The following SLC14A2 variants were observed in gnomAD, a reference collection of about 807,000 sequenced individuals.
SLC14A2 encodes the protein solute carrier family 14 member 2.
SLC14A2 carries 91 observed loss-of-function variants against 104.6 expected under a neutral mutation model. That is an observed-to-expected ratio of 0.87 (90% CI 0.73 to 1.04). The LOEUF (loss-of-function observed/expected upper bound fraction) is 1.04, where lower values mean the gene tolerates loss of function less well. SLC14A2 is among the 50% of genes least tolerant of loss of function. The pLI is 0.00. For synonymous variants in SLC14A2, 476 were observed against 466.4 expected (o/e 1.02, Z -0.27); for missense variants, 1,189 against 1,156.0 (o/e 1.03, Z -0.41).
chr18:45,410,147 CAGG>C (rs2086198706), intron 1 of SLC14A2, among the ~76,000 whole-genome samples: 4 of 152,272 alleles, frequency 2.6e-5, no homozygotes, highest in African/African-American at 9.6e-5. Context: ...GCTGATCTGA[CAGG>C]AGGCGGAGCT....
chr18:45,267,033 T>C (rs1313614124), intron 1 of SLC14A2, among the ~76,000 whole-genome samples: 2 of 152,180 alleles, frequency 1.3e-5, no homozygotes, highest in East Asian at 1.9e-4. Flanking sequence ...TTATGGGCAC[T>C]GGGAGGTTCT....
chr18:45,574,687 T>A (rs927735460), intron 2 of SLC14A2, among the ~76,000 whole-genome samples: 7 of 152,244 alleles, frequency 4.6e-5, no homozygotes, highest in African/African-American at 1.7e-4. Context: ...AAATGTCAAA[T>A]ACGTTTCTTC....
chr18:45,583,459 T>G (rs989831257), intron 2 of SLC14A2, among the ~76,000 whole-genome samples: 1 of 152,240 alleles, frequency 6.6e-6, no homozygotes, highest in Admixed American at 6.5e-5. Flanking sequence ...GGATCATTAC[T>G]CTCACTAGCT....
intron 18 of SLC14A2, among the ~76,000 whole-genome samples, chr18:45,678,294 T>C (rs556511606): frequency 7.9e-5 from 12 of 152,336 alleles, no homozygotes; most frequent in African/African-American, 2.4e-4. Context: ...GTAGGAATGC[T>C]GAAAGCTATG....
intron 2 of SLC14A2, among the ~76,000 whole-genome samples, chr18:45,531,933 C>T (rs1462866305): frequency 6.6e-6 from 1 of 152,146 alleles, no homozygotes; most frequent in African/African-American, 2.4e-5. Flanking sequence ...AGCCAGTTTT[C>T]CCAGCACCAT....
chr18:45,580,397 G>C (rs2044473180), intron 2 of SLC14A2, among the ~76,000 whole-genome samples: 1 of 152,216 alleles, frequency 6.6e-6, no homozygotes, highest in African/African-American at 2.4e-5. Context: ...GCTGAGGCAA[G>C]AAAGGTTAGG....
In SLC14A2 at chr18:45,338,774, C is replaced by T. The variant is rs146724371; in HGVS notation, c.-125+125583C>T. On this transcript the variant is annotated intron_variant, in intron 1 of 20. Transcript: ENST00000586448. ...TGTCAGCAACATGGGTCCTGTCCCTCTGTCCTCGTGTGAAAACGTGCACTG... is the reference window on the plus strand; with the variant it reads ...TGTCAGCAACATGGGTCCTGTCCCTTTGTCCTCGTGTGAAAACGTGCACTG... 9.6e-3 allele frequency among the ~76,000 whole-genome samples: 1,445 copies of T among 150,400 alleles called. 11 individuals are homozygous for T. Among genetic ancestry groups the T allele is most frequent in the Non-Finnish European group, 0.016 (1,073 of 67,776 alleles).
intron 1 of SLC14A2, among the ~76,000 whole-genome samples, chr18:45,363,032 TCTGCCCCTGC>T (rs1283903534): frequency 3.9e-5 from 6 of 152,140 alleles, no homozygotes; most frequent in Non-Finnish European, 8.8e-5. Context: ...TCCATTCCTG[TCTGCCCCTGC>T]CTGCCCTTCC....
chr18:45,517,652 C>T (rs1341593029), intron 2 of SLC14A2, among the ~76,000 whole-genome samples: 1 of 152,218 alleles, frequency 6.6e-6, no homozygotes, highest in Non-Finnish European at 1.5e-5. Flanking sequence ...GCGGTGAAGG[C>T]GGCCACCAAT....
intron 1 of SLC14A2, among the ~76,000 whole-genome samples, chr18:45,236,266 CATGTATGTGTGTATATGTGTATATAT>C (rs2084243095): frequency 3.8e-5 from 1 of 26,526 alleles, no homozygotes; most frequent in Non-Finnish European, 6.5e-5. Flanking sequence ...TGTATATATA[CATGTATGTGTGTATATGTGTATATAT>C]ACATGTATGT....
chr18:45,444,452 T>C lies in SLC14A2; in HGVS notation c.-124-38781T>C, dbSNP rs144994959. On this transcript the variant is annotated intron_variant, in intron 1 of 20. Coordinates refer to the SLC14A2 transcript ENST00000586448. ...AATTCTGTCATGAAGGATAATGCTA[T>C]CCCCAGCATAGGTTTCTTCCTGGCT... Among the ~76,000 whole-genome samples the C allele has an allele frequency of 9.7e-3, 1,477 of 152,296 alleles. 14 individuals carry two copies. Among genetic ancestry groups the C allele is most frequent in the Middle Eastern group, 0.041 (12 of 294 alleles).
At chr18:45,414,527 A>G (rs2086248139) in intron 1 of SLC14A2, among the ~76,000 whole-genome samples, 1 of 151,884 alleles carries the variant, frequency 6.6e-6, no homozygotes, top group African/African-American at 2.4e-5. Context: ...CAGAATCTGA[A>G]TTAGAATATT....
In SLC14A2 at chr18:45,540,909, A is replaced by G. The variant is rs375605979; in HGVS notation, c.-35+57587A>G. 3.3e-5 allele frequency among the ~76,000 whole-genome samples: 5 copies of G among 152,118 alleles called. No individual in the cohort carries two copies. The East Asian group carries it at 7.7e-4, about 23-fold the overall frequency. On this transcript the variant is annotated intron_variant, in intron 2 of 20. Coordinates refer to the SLC14A2 transcript ENST00000586448. ...CCTCGCCCTTAAGAAGCTAAGAATC[A>G]AGGATTCCATTGGGTTCCAACTCAG...
intron 2 of SLC14A2, among the ~76,000 whole-genome samples, chr18:45,539,196 T>G (rs1475855891): frequency 2.4e-4 from 1 of 4,208 alleles, no homozygotes; most frequent in Non-Finnish European, 5.4e-4. Flanking sequence ...GGTGGGAATC[T>G]TCAGACAGAG....
chr18:45,566,853 G>C (rs1264768792), intron 2 of SLC14A2, among the ~76,000 whole-genome samples: 1 of 152,240 alleles, frequency 6.6e-6, no homozygotes, highest in Non-Finnish European at 1.5e-5. Context: ...GTGAGGGCTA[G>C]AAGTCAAGGT....
At position 45,235,293 on chromosome 18, in the gene SLC14A2, GAC is replaced by G. The variant is rs1353680065; in HGVS notation, c.-125+22108_-125+22109del. Among the ~76,000 whole-genome samples, 11 of 151,924 alleles carry G rather than the reference GAC, an allele frequency of 7.2e-5. 1 individual carries two copies. Among genetic ancestry groups the G allele is most frequent in the South Asian group, 4.1e-4 (2 of 4,820 alleles). ...TAAAATGCTTTATTTTTATTATTTT[GAC>G]ACACAATAATTGTGCATATTTATGG... On this transcript the variant is annotated intron_variant, in intron 1 of 20. Transcript: ENST00000586448.
At chr18:45,342,228 TAATA>T (rs1265028688) in intron 1 of SLC14A2, among the ~76,000 whole-genome samples, 1 of 152,120 alleles carries the variant, frequency 6.6e-6, no homozygotes, top group Non-Finnish European at 1.5e-5. Flanking sequence ...TTAACTAAAA[TAATA>T]ATAATAAAGG....
At chr18:45,552,600 T>A (rs2044071774) in intron 2 of SLC14A2, among the ~76,000 whole-genome samples, 1 of 152,120 alleles carries the variant, frequency 6.6e-6, no homozygotes, top group Non-Finnish European at 1.5e-5. Context: ...TGAAGTTATG[T>A]GGTGCTGGGT....
At chr18:45,577,284 C>G (rs530436063) in intron 2 of SLC14A2, among the ~76,000 whole-genome samples, 50 of 151,986 alleles carry the variant, frequency 3.3e-4, no homozygotes, top group South Asian at 4.2e-4. Context: ...AGCTACAGAG[C>G]TTTGGATATC....
Sources: allele counts gnomAD v4.1 joint callset (sites outside exome capture counted in the v4.1 genomes callset), GRCh38; gene constraint gnomAD v4.1.1; transcripts MANE v1.5; gene names NCBI Gene and HGNC (gene_info 2026-07-23, HGNC 2026-07-21).